Variants in SLC16A10 observed in about 807,000 individuals in gnomAD.
The protein encoded by SLC16A10 is solute carrier family 16 member 10, also known as monocarboxylate transporter 10.
A neutral mutation model predicts 40.0 loss-of-function variants in SLC16A10; 27 were observed. The observed-to-expected ratio is 0.67, with a 90% CI of 0.50 to 0.93. The LOEUF (loss-of-function observed/expected upper bound fraction) is 0.93, where lower values mean the gene tolerates loss of function less well. Ranked by LOEUF, SLC16A10 falls within the 40% of genes least tolerant of loss-of-function variation. SLC16A10 has a pLI of 0.00. For synonymous variants in SLC16A10, 213 were observed against 249.8 expected, an observed-to-expected ratio of 0.85 and a Z score of 1.39; for missense variants, 529 against 658.2, an observed-to-expected ratio of 0.80 and a Z score of 2.15.
intron 1 of SLC16A10, among the ~76,000 whole-genome samples, chr6:111,125,515 A>G (rs760161662): frequency 3.3e-5 from 5 of 152,158 alleles, no homozygotes; most frequent in African/African-American, 7.2e-5. Flanking sequence ...AAACTGTTCT[A>G]TCCACATCTC....
At chr6:111,132,185 AAG>A (rs372822390) in intron 1 of SLC16A10, among the ~76,000 whole-genome samples, 123 of 148,514 alleles carry the variant, frequency 8.3e-4, no homozygotes, top group Middle Eastern at 3.5e-3. Context: ...GGGCTAGGAG[AAG>A]AGAGAGAGAG....
intron 3 of SLC16A10, among the ~76,000 whole-genome samples, chr6:111,204,185 G>T (rs983746448): frequency 6.6e-6 from 1 of 152,278 alleles, no homozygotes; most frequent in East Asian, 1.9e-4. Context: ...AGGAATGTGG[G>T]CCAAAGGAAA....
chr6:111,089,909 T>G (rs1263400199), intron 1 of SLC16A10, among the ~76,000 whole-genome samples: 27 of 41,304 alleles, frequency 6.5e-4, no homozygotes, highest in East Asian at 3.7e-3. Flanking sequence ...TGTGGGTGGG[T>G]TTTTTTTTTT....
In SLC16A10 at chr6:111,182,680, T is replaced by TAGA. The variant is rs202083130; in HGVS notation, c.942+5016_942+5017insGAA. ...GGGTAACTGCTAGGTGTTTCAGACTTACCCTGTCTAACCCTGAGGTCTTGA... is the reference window on the plus strand; with the variant it reads ...GGGTAACTGCTAGGTGTTTCAGACTTAGAACCCTGTCTAACCCTGAGGTCTTGA... On this transcript the variant is annotated intron_variant, in intron 3 of 5. Transcript: ENST00000368851. 7.0e-3 allele frequency among the ~76,000 whole-genome samples: 1,059 copies of TAGA among 152,276 alleles called. 32 individuals carry two copies. Among genetic ancestry groups the TAGA allele is most frequent in the Admixed American group, 0.047 (713 of 15,298 alleles).
Position 111,179,102 on chromosome 6 carries a change from C to T in SLC16A10, c.942+1437C>T, listed in dbSNP as rs568246464. 7.6e-5 allele frequency among the ~76,000 whole-genome samples: 11 copies of T among 144,004 alleles called. No individual in the cohort carries two copies. In the South Asian group the frequency reaches 1.9e-3, roughly 25 times the overall value. The allele number at this position is 144,004 out of a possible 152,430, so 94.5% of individuals were successfully genotyped here. A position where few individuals can be genotyped will look rare whatever the true frequency, so the allele number is the denominator to read the frequency against. Reference sequence around the variant, plus strand: ...AACCCTCCTGCCTCAGCTAGGATTACAGGTGCAAGCCACCACACCCAGCTT... The same window carrying T: ...AACCCTCCTGCCTCAGCTAGGATTATAGGTGCAAGCCACCACACCCAGCTT... On this transcript the variant is annotated intron_variant, in intron 3 of 5. Coordinates refer to ENST00000368851, the MANE Select transcript of SLC16A10 (RefSeq NM_018593.5).
intron 1 of SLC16A10, among the ~76,000 whole-genome samples, chr6:111,128,344 G>A (rs1326069031): frequency 1.3e-5 from 2 of 152,090 alleles, no homozygotes; most frequent in African/African-American, 2.4e-5. Context: ...TTGAGGTCCC[G>A]TAGCAGGTCA....
In SLC16A10 at chr6:111,089,488, C is replaced by G. The variant is rs112959866; in HGVS notation, c.343+1393C>G. On this transcript the variant is annotated intron_variant, in intron 1 of 5. Transcript: ENST00000368851. ...GCTGCAATGAATATTCTTGTACACT[C>G]TCGTTATGCATGTGAATACGGTACC... Among the ~76,000 whole-genome samples, 1,063 of 152,272 alleles carry G rather than the reference C, an allele frequency of 7.0e-3. 14 individuals carry two copies. Among genetic ancestry groups the G allele is most frequent in the African/African-American group, 0.024 (1,002 of 41,556 alleles).
chr6:111,103,347 A>G (rs978786645), intron 1 of SLC16A10, among the ~76,000 whole-genome samples: 3 of 152,242 alleles, frequency 2.0e-5, no homozygotes, highest in Non-Finnish European at 4.4e-5. Flanking sequence ...CCTCCCGAGT[A>G]GCTGGGATTA....
intron 1 of SLC16A10, among the ~76,000 whole-genome samples, chr6:111,123,350 G>C (rs1194346302): frequency 6.6e-6 from 1 of 152,186 alleles, no homozygotes; most frequent in Non-Finnish European, 1.5e-5. Flanking sequence ...GATTACTACA[G>C]GGTAAAAGAA....
At chr6:111,133,912 A>T (rs1182808610) in intron 1 of SLC16A10, among the ~76,000 whole-genome samples, 1 of 152,240 alleles carries the variant, frequency 6.6e-6, no homozygotes, top group African/African-American at 2.4e-5. Flanking sequence ...AAATTAAAAT[A>T]GACCTAGGTA....
At chr6:111,181,215 CAAA>C (rs78386837) in intron 3 of SLC16A10, among the ~76,000 whole-genome samples, 10 of 82,930 alleles carry the variant, frequency 1.2e-4, no homozygotes, top group African/African-American at 1.3e-4. Context: ...AACTCCATCT[CAAA>C]AAAAAAAAAA....
At chr6:111,171,815 C>CA (rs11396709) in intron 1 of SLC16A10, among the ~76,000 whole-genome samples, 17,494 of 85,872 alleles carry the variant, frequency 0.2, 1,400 homozygotes, top group East Asian at 0.4. Flanking sequence ...GACCTTTTCT[C>CA]AAAAAAAAAA....
intron 1 of SLC16A10, among the ~76,000 whole-genome samples, chr6:111,139,212 T>C (rs1050234572): frequency 3.3e-5 from 5 of 152,162 alleles, no homozygotes; most frequent in East Asian, 3.9e-4. Flanking sequence ...CCATCCATGT[T>C]ACTGCAAAAG....
At chr6:111,214,584 C>T (rs562215916) in intron 4 of SLC16A10, among the ~76,000 whole-genome samples, 2 of 152,316 alleles carry the variant, frequency 1.3e-5, no homozygotes, top group East Asian at 1.9e-4. Flanking sequence ...TGGGTATTAA[C>T]ATCTGCTGGG....
intron 1 of SLC16A10, among the ~76,000 whole-genome samples, chr6:111,145,606 G>A (rs1772063640): frequency 6.6e-6 from 1 of 151,804 alleles, no homozygotes; most frequent in Non-Finnish European, 1.5e-5. Flanking sequence ...AAAGACCTAA[G>A]TATAAGCTGA....
Position 111,206,784 on chromosome 6 carries a change from C to T in SLC16A10, c.1086+49C>T, listed in dbSNP as rs1159282607. 3.2e-6 allele frequency: 5 copies of T among 1,579,132 alleles called. No homozygotes were observed. The African/African-American group carries it at 4.1e-5, about 13-fold the overall frequency. ...CCTATCAAAAATTACTCTCATCACC[C>T]GATGTCTCATTAAATGTACTTACAT... On this transcript the variant is annotated intron_variant, in intron 4 of 5. Transcript: ENST00000368851.
chr6:111,175,290 C>T (rs911425019), intron 2 of SLC16A10, among the ~76,000 whole-genome samples: 4 of 152,092 alleles, frequency 2.6e-5, no homozygotes, highest in African/African-American at 7.2e-5. Flanking sequence ...GAAGGGAAAA[C>T]CTGGAAGTGA....
At chr6:111,089,659 G>A (rs1461587271) in intron 1 of SLC16A10, among the ~76,000 whole-genome samples, 1 of 152,142 alleles carries the variant, frequency 6.6e-6, no homozygotes, top group African/African-American at 2.4e-5. Context: ...TTTAGCAGGG[G>A]AGATATGCAT....
chr6:111,161,457 A>G (rs1405772380), intron 1 of SLC16A10, among the ~76,000 whole-genome samples: 4 of 151,964 alleles, frequency 2.6e-5, no homozygotes, highest in East Asian at 3.9e-4. Context: ...TCTTGCTGCT[A>G]TCAGTTCTCC....
Sources: gnomAD v4.1 joint callset for allele counts (sites outside exome capture counted in the v4.1 genomes callset) on GRCh38, gnomAD v4.1.1 for gene constraint, MANE v1.5 for transcripts, NCBI Gene and HGNC (gene_info 2026-07-23, HGNC 2026-07-21) for gene names.